The following MCPH1 variants were observed in gnomAD, a reference collection of about 807,000 sequenced individuals.
The protein encoded by MCPH1 is microcephalin 1.
Under a neutral mutation model 84.5 loss-of-function variants are expected in MCPH1, and 104 were observed. The ratio of observed to expected loss-of-function variants is 1.23; its 90% confidence interval spans 1.05 to 1.45. The LOEUF is 1.45. Ranked by LOEUF, MCPH1 falls within the 40% of genes most tolerant of loss-of-function variation. MCPH1 has a pLI of 0.00. For synonymous variants in MCPH1, 514 were observed against 366.8 expected, an observed-to-expected ratio of 1.40 and a Z score of -4.58; for missense variants, 1,498 against 1,005.7, an observed-to-expected ratio of 1.49 and a Z score of -6.62.
Position 6,626,149 on chromosome 8 carries a change from C to T in MCPH1, c.2452+4458C>T, listed in dbSNP as rs2454523. ...TTATTTTACTTGTAAGAATTTCTTT[C>T]GACCTCAGCTCTGAGGTGACCCTCA... On this transcript the variant is annotated intron_variant, in intron 13 of 13. Transcript: ENST00000344683. 4.3e-3 allele frequency: 4,273 copies of T among 985,292 alleles called. 139 individuals are homozygous for T. In the African/African-American group the frequency reaches 0.068, roughly 16 times the overall value. 61.0% of individuals were successfully genotyped at this position (985,292 alleles called of 1,614,324 possible).
chr8:6,482,290 G>A (rs1179800670), intron 11 of MCPH1, among the ~76,000 whole-genome samples: 1 of 152,094 alleles, frequency 6.6e-6, no homozygotes, highest in African/African-American at 2.4e-5. Context: ...AAAATCTATG[G>A]AAAAAATGAC....
intron 12 of MCPH1, among the ~76,000 whole-genome samples, chr8:6,581,871 T>C (rs1343957782): frequency 1.3e-5 from 2 of 152,198 alleles, no homozygotes; most frequent in African/African-American, 4.8e-5. Context: ...TGGCGCCTTC[T>C]CTGCGTCCTC....
At chr8:6,641,931 C>T (rs1797963152) in intron 13 of MCPH1, among the ~76,000 whole-genome samples, 1 of 152,112 alleles carries the variant, frequency 6.6e-6, no homozygotes, top group Non-Finnish European at 1.5e-5. Context: ...CTGAGGGTCC[C>T]TCACTGACCC....
intron 12 of MCPH1, among the ~76,000 whole-genome samples, chr8:6,607,569 C>G (rs2129578840): frequency 6.6e-6 from 1 of 152,306 alleles, no homozygotes; most frequent in Non-Finnish European, 1.5e-5. Context: ...TGTCCCTACT[C>G]AAATCTCATC....
rs559725415 is a variant in MCPH1 at position 6,561,661 on chromosome 8, G to A, written c.2215-59793G>A. Among the ~76,000 whole-genome samples the A allele has an allele frequency of 2.0e-5, 3 of 152,260 alleles. No homozygotes were observed. The East Asian group carries it at 5.8e-4, about 29-fold the overall frequency. On this transcript the variant is annotated intron_variant, in intron 12 of 13. Transcript: ENST00000344683. The stretch of plus-strand genomic sequence containing the variant: ...CATTGTGATGTAATGGCATCATCAT[G>A]CTACTTAACAATTAATTTATGCATT...
At chr8:6,509,114 G>T (rs369793463) in intron 12 of MCPH1, 4 of 1,581,180 alleles carry the variant, frequency 2.5e-6, no homozygotes, top group Non-Finnish European at 3.4e-6. Flanking sequence ...TTGATTTACC[G>T]TAGTGGCAAA....
chr8:6,479,744 GTTA>G (rs1207908523), intron 10 of MCPH1, among the ~76,000 whole-genome samples: 1 of 152,150 alleles, frequency 6.6e-6, no homozygotes, highest in Admixed American at 6.5e-5. Flanking sequence ...GCATAGAAAG[GTTA>G]TTATAAAAGG....
At position 6,442,747 on chromosome 8, in the gene MCPH1, A is replaced by T. The variant is rs75796265; in HGVS notation, c.670+591A>T. 1.0e-3 allele frequency among the ~76,000 whole-genome samples: 158 copies of T among 152,262 alleles called. 2 individuals are homozygous for T. The highest frequency in any genetic ancestry group is 3.7e-3 in the African/African-American group (154 of 41,522). ...CTTACAGTTTCTTCACCTAGTCCCCAGTGGGGCTCAAGTAAGTAGCAGTGA... is the reference window on the plus strand; with the variant it reads ...CTTACAGTTTCTTCACCTAGTCCCCTGTGGGGCTCAAGTAAGTAGCAGTGA... On this transcript the variant is annotated intron_variant, in intron 7 of 13. Transcript: ENST00000344683.
At chr8:6,513,963 G>A in intron 12 of MCPH1, 5 of 978,776 alleles carry the variant, frequency 5.1e-6, no homozygotes, top group East Asian at 2.7e-5. Context: ...TCCTTCTGGT[G>A]CTGTGACAAT....
At chr8:6,452,421 G>A (rs1296929587) in intron 8 of MCPH1, among the ~76,000 whole-genome samples, 4 of 152,206 alleles carry the variant, frequency 2.6e-5, no homozygotes, top group South Asian at 2.1e-4. Context: ...ATTCATTTCC[G>A]TATTTGATCA....
At chr8:6,466,509 G>A (rs965312956) in intron 9 of MCPH1, among the ~76,000 whole-genome samples, 2 of 152,140 alleles carry the variant, frequency 1.3e-5, no homozygotes, top group Non-Finnish European at 2.9e-5. Flanking sequence ...AGGTTTCGCC[G>A]TATTAGCCAG....
intron 12 of MCPH1, among the ~76,000 whole-genome samples, chr8:6,612,294 A>G (rs1482131385): frequency 6.7e-6 from 1 of 148,844 alleles, no homozygotes; most frequent in African/African-American, 2.4e-5. Context: ...TGCCTATTTA[A>G]GCCAAGCCCC....
At chr8:6,508,930 A>T in intron 12 of MCPH1, 1 of 1,614,060 alleles carries the variant, frequency 6.2e-7, no homozygotes, top group South Asian at 1.1e-5. Flanking sequence ...AGTCATCCCT[A>T]CCTCCTGTTA....
chr8:6,536,247 T>C (rs768579901), intron 12 of MCPH1, among the ~76,000 whole-genome samples: 2 of 152,040 alleles, frequency 1.3e-5, no homozygotes, highest in African/African-American at 2.4e-5. Flanking sequence ...AGGTACTGTT[T>C]CTTGGTTGCC....
At chr8:6,429,117 T>C (rs970490889) in intron 3 of MCPH1, among the ~76,000 whole-genome samples, 4 of 152,214 alleles carry the variant, frequency 2.6e-5, no homozygotes, top group African/African-American at 9.6e-5. Context: ...ATGATACATT[T>C]TGGTTAAATC....
chr8:6,418,808 C>A (rs1291153535), intron 3 of MCPH1, among the ~76,000 whole-genome samples: 1 of 152,142 alleles, frequency 6.6e-6, no homozygotes, highest in African/African-American at 2.4e-5. Flanking sequence ...TCCTGATCTT[C>A]TGACCTCGTG....
chr8:6,581,000 G>C (rs530400941), intron 12 of MCPH1, among the ~76,000 whole-genome samples: 13 of 152,126 alleles, frequency 8.5e-5, no homozygotes, highest in African/African-American at 3.1e-4. Context: ...ACAAAAAATC[G>C]AGTACAACAA....
At chr8:6,611,014 A>C (rs1173289210) in intron 12 of MCPH1, among the ~76,000 whole-genome samples, 1 of 152,044 alleles carries the variant, frequency 6.6e-6, no homozygotes, top group Non-Finnish European at 1.5e-5. Flanking sequence ...TCCAGCTGCA[A>C]GCTGCAGGCA....
chr8:6,464,602 C>A (rs560158010), intron 9 of MCPH1, among the ~76,000 whole-genome samples: 1 of 152,144 alleles, frequency 6.6e-6, no homozygotes, highest in South Asian at 2.1e-4. Context: ...CCTCAGTGGT[C>A]GTCTTTGGCC....
Sources: gnomAD v4.1 joint callset for allele counts (sites outside exome capture counted in the v4.1 genomes callset) on GRCh38, gnomAD v4.1.1 for gene constraint, MANE v1.5 for transcripts, NCBI Gene and HGNC (gene_info 2026-07-23, HGNC 2026-07-21) for gene names.